The following RAB38 variants were observed in gnomAD, a reference collection of about 807,000 sequenced individuals.
RAB38 encodes ras-related protein Rab-38.
Under a neutral mutation model 18.4 loss-of-function variants are expected in RAB38, and 15 were observed. The ratio of observed to expected loss-of-function variants is 0.82; its 90% CI spans 0.55 to 1.26. The LOEUF (loss-of-function observed/expected upper bound fraction) is 1.26, where lower values mean the gene tolerates loss of function less well. Ranked by LOEUF, RAB38 falls within the 50% of genes most tolerant of loss-of-function variation. RAB38 has a pLI of 0.00. For missense variants in RAB38, 294 were observed against 267.4 expected, an observed-to-expected ratio of 1.10 and a Z score of -0.69; for synonymous variants, 101 against 104.4, an observed-to-expected ratio of 0.97 and a Z score of 0.20.
intron 2 of RAB38, among the ~76,000 whole-genome samples, chr11:88,148,732 G>A (rs960340107): frequency 8.5e-5 from 13 of 152,128 alleles, no homozygotes; most frequent in Admixed American, 2.6e-4. Context: ...AAAAACTAGC[G>A]TAGTACCTGT....
At chr11:88,060,933 T>C in the RAB38 span, among the ~76,000 whole-genome samples, 3 of 152,178 alleles carry the variant, frequency 2.0e-5, no homozygotes, top group African/African-American at 7.2e-5. Flanking sequence ...TATAAAACAT[T>C]GTACCTTTAA....
the RAB38 span, among the ~76,000 whole-genome samples, chr11:87,976,462 T>C: frequency 2.2e-5 from 3 of 134,816 alleles, no homozygotes; most frequent in South Asian, 2.2e-4. Flanking sequence ...TAAATATATA[T>C]ATTTTACATA....
intron 1 of RAB38, among the ~76,000 whole-genome samples, chr11:88,169,362 T>C (rs971509350): frequency 2.6e-5 from 4 of 152,220 alleles, no homozygotes; most frequent in Admixed American, 1.3e-4. Context: ...TTTTCTTTTC[T>C]GTTTTCCAGC....
the RAB38 span, among the ~76,000 whole-genome samples, chr11:87,947,549 T>G: frequency 2.0e-5 from 3 of 152,118 alleles, no homozygotes; most frequent in Non-Finnish European, 2.9e-5. Flanking sequence ...TTAATCCATC[T>G]TGAATTAATT....
chr11:87,897,794 A>C, the RAB38 span, among the ~76,000 whole-genome samples: 1 of 151,598 alleles, frequency 6.6e-6, no homozygotes, highest in East Asian at 2.0e-4. Context: ...TTTCAGCTCC[A>C]GGATAAAATA....
the RAB38 span, among the ~76,000 whole-genome samples, chr11:87,853,313 G>A: frequency 3.3e-5 from 5 of 152,264 alleles, no homozygotes; most frequent in Admixed American, 2.0e-4. Context: ...GTTTAGATGA[G>A]TTCATGAGGG....
the RAB38 span, among the ~76,000 whole-genome samples, chr11:87,819,124 C>T: frequency 6.6e-6 from 1 of 152,210 alleles, no homozygotes; most frequent in Non-Finnish European, 1.5e-5. Context: ...ACAGCAGCCC[C>T]TTTGCCTACC....
At chr11:87,836,694 AC>A in the RAB38 span, among the ~76,000 whole-genome samples, 2 of 152,186 alleles carry the variant, frequency 1.3e-5, no homozygotes, top group Non-Finnish European at 2.9e-5. Context: ...AGGATAAAGC[AC>A]AGGGATTTTG....
the RAB38 span, among the ~76,000 whole-genome samples, chr11:87,857,321 C>G: frequency 6.6e-6 from 1 of 152,142 alleles, no homozygotes; most frequent in African/African-American, 2.4e-5. Context: ...CCGCAGTGAA[C>G]ATTTGTGTGC....
At chr11:87,967,430 A>AT in the RAB38 span, among the ~76,000 whole-genome samples, 4 of 152,116 alleles carry the variant, frequency 2.6e-5, no homozygotes, top group African/African-American at 7.2e-5. Flanking sequence ...AGGATAATAT[A>AT]TTTTTTTAAA....
the RAB38 span, among the ~76,000 whole-genome samples, chr11:87,896,342 A>C: frequency 6.6e-6 from 1 of 151,662 alleles, no homozygotes; most frequent in African/African-American, 2.4e-5. Flanking sequence ...GTCTGTACCA[A>C]AAGTGGTACA....
the RAB38 span, among the ~76,000 whole-genome samples, chr11:87,891,257 C>T: frequency 6.6e-6 from 1 of 151,802 alleles, no homozygotes; most frequent in African/African-American, 2.4e-5. Context: ...ATCGAACAGA[C>T]ACCCTAAAGA....
chr11:88,025,700 C>A, the RAB38 span, among the ~76,000 whole-genome samples: 1 of 152,022 alleles, frequency 6.6e-6, no homozygotes, highest in Non-Finnish European at 1.5e-5. Flanking sequence ...CAGTCTTCTG[C>A]CCACTTTTTA....
chr11:87,833,778 A>G, the RAB38 span, among the ~76,000 whole-genome samples: 1 of 152,184 alleles, frequency 6.6e-6, no homozygotes, highest in African/African-American at 2.4e-5. Context: ...TAACATTGCT[A>G]TTATCTCTAA....
chr11:88,129,623 G>A (rs1358765286), intron 2 of RAB38, among the ~76,000 whole-genome samples: 3 of 152,054 alleles, frequency 2.0e-5, no homozygotes, highest in South Asian at 2.1e-4. Flanking sequence ...CAGTCTGGGC[G>A]ACAAAGTGAG....
At chr11:87,805,313 C>T in the RAB38 span, among the ~76,000 whole-genome samples, 2 of 152,154 alleles carry the variant, frequency 1.3e-5, no homozygotes, top group South Asian at 4.1e-4. Context: ...AACACCTATG[C>T]ATATACACAT....
chr11:87,974,940 C>G, the RAB38 span, among the ~76,000 whole-genome samples: 1 of 151,908 alleles, frequency 6.6e-6, no homozygotes, highest in Non-Finnish European at 1.5e-5. Flanking sequence ...AACAGATGGC[C>G]ACAGTTCTGG....
chr11:88,033,725 C>CTTTTTT, the RAB38 span, among the ~76,000 whole-genome samples: 38 of 101,118 alleles, frequency 3.8e-4, no homozygotes, highest in African/African-American at 1.0e-3. Flanking sequence ...GTTGTGTTGC[C>CTTTTTT]TTTTTTTTTT....
chr11:88,076,984 G>GAAAAGA, the RAB38 span, among the ~76,000 whole-genome samples: 1,374 of 63,402 alleles, frequency 0.022, 61 homozygotes, highest in East Asian at 0.085. Flanking sequence ...AAGAAAGAAA[G>GAAAAGA]AAAGAAAAGA....
Sources: gnomAD v4.1 joint callset for allele counts (sites outside exome capture counted in the v4.1 genomes callset) on GRCh38, gnomAD v4.1.1 for gene constraint, MANE v1.5 for transcripts, NCBI Gene and HGNC (gene_info 2026-07-23, HGNC 2026-07-21) for gene names.